Variants in ESRRG observed in about 807,000 individuals in gnomAD.
ESRRG encodes the protein estrogen related receptor gamma, also known as estrogen-related receptor gamma.
In ESRRG, 13 loss-of-function variants were observed where a neutral mutation model predicts 44.0. The observed-to-expected ratio is 0.30, with a 90% confidence interval of 0.19 to 0.47. ESRRG has a LOEUF of 0.47. Ranked by LOEUF, ESRRG falls within the 20% of genes least tolerant of loss-of-function variation. The pLI is 1.00. For missense variants in ESRRG, 395 were observed against 580.6 expected (o/e 0.68, Z 3.29); for synonymous variants, 215 against 214.6 (o/e 1.00, Z -0.02).
At position 216,933,007 on chromosome 1, in the gene ESRRG, A is replaced by T. The variant is rs79286029; in HGVS notation, c.-14+6575T>A. 6.5e-3 allele frequency among the ~76,000 whole-genome samples: 990 copies of T among 152,126 alleles called. 14 individuals are homozygous for T. Among genetic ancestry groups the T allele is most frequent in the African/African-American group, 0.022 (919 of 41,546 alleles). On this transcript the variant is annotated intron_variant, in intron 2 of 7. Coordinates refer to the ESRRG transcript ENST00000359162. Reference sequence around the variant, plus strand: ...AGAATTAAAACATTTCCTGCTTTCAAATCACAGCTCTTCTACTTGGCCAAA... The same window carrying T: ...AGAATTAAAACATTTCCTGCTTTCATATCACAGCTCTTCTACTTGGCCAAA...
chr1:216,504,047 C>T lies in ESRRG; in HGVS notation c.*2892G>A, dbSNP rs1005566033. On this transcript the variant is annotated 3_prime_UTR_variant, in exon 7 of 7. Coordinates refer to ENST00000408911, the MANE Select transcript of ESRRG (RefSeq NM_001438.4). ...ATTTCCTATTTGTGAGATACTTACTCTTTTGTAATGCTGAGAGTTACTTAA... is the reference window on the plus strand; with the variant it reads ...ATTTCCTATTTGTGAGATACTTACTTTTTTGTAATGCTGAGAGTTACTTAA... 6.6e-6 allele frequency: 1 copy of T among 152,438 alleles called. No individual in the cohort carries two copies. The highest frequency in any genetic ancestry group is 1.5e-5 in the Non-Finnish European group (1 of 67,966). The allele number at this position is 152,438 out of a possible 1,614,324, so 9.4% of individuals were successfully genotyped here. A position where few individuals can be genotyped will look rare whatever the true frequency, so the allele number is the denominator to read the frequency against.
chr1:216,581,199 G>C (rs538806575), intron 3 of ESRRG, among the ~76,000 whole-genome samples: 1 of 152,228 alleles, frequency 6.6e-6, no homozygotes, highest in Non-Finnish European at 1.5e-5. Context: ...AAATCAAAAG[G>C]CATTTGGCTA....
rs1193687564 is a variant in ESRRG at position 216,720,818 on chromosome 1, T to G, written c.56+2426A>C. On this transcript the variant is annotated intron_variant, in intron 1 of 6. Transcript: ENST00000408911. Reference sequence around the variant, plus strand: ...TAAATTTTCAATGTCTGGACTTCAGTGATCAGGCTGAAATTTACTAAACTG... The same window carrying G: ...TAAATTTTCAATGTCTGGACTTCAGGGATCAGGCTGAAATTTACTAAACTG... 2.6e-5 allele frequency among the ~76,000 whole-genome samples: 4 copies of G among 152,326 alleles called. No individual in the cohort carries two copies. In the East Asian group the frequency reaches 7.7e-4, roughly 29 times the overall value.
intron 2 of ESRRG, among the ~76,000 whole-genome samples, chr1:216,833,166 C>T (rs572123057): frequency 6.6e-6 from 1 of 152,016 alleles, no homozygotes; most frequent in East Asian, 1.9e-4. Flanking sequence ...AGTGTAAGTG[C>T]TCAAGAAATT....
In ESRRG at chr1:216,728,960, A is replaced by T. The variant is rs567679990; in HGVS notation, c.-13-51469T>A. On this transcript the variant is annotated intron_variant, in intron 2 of 7. Transcript: ENST00000359162. ...TTCCCCCAACCAAGGCAAATTAATTAGAGGTGTGTGTTTGTCAGACCTGGA... is the reference window on the plus strand; with the variant it reads ...TTCCCCCAACCAAGGCAAATTAATTTGAGGTGTGTGTTTGTCAGACCTGGA... Among the ~76,000 whole-genome samples the T allele has an allele frequency of 2.0e-5, 3 of 152,296 alleles. No individual in the cohort carries two copies. The South Asian group carries it at 6.2e-4, about 32-fold the overall frequency.
chr1:216,800,336 T>G (rs1414472308), intron 2 of ESRRG, among the ~76,000 whole-genome samples: 1 of 152,098 alleles, frequency 6.6e-6, no homozygotes, highest in Non-Finnish European at 1.5e-5. Context: ...GGTGTGCCAC[T>G]GTACACTGAA....
chr1:216,811,250 G>C (rs1360581806), intron 2 of ESRRG, among the ~76,000 whole-genome samples: 2 of 151,994 alleles, frequency 1.3e-5, no homozygotes, highest in East Asian at 3.9e-4. Flanking sequence ...ATCTCTTTAT[G>C]ATGATGAGAA....
At chr1:216,921,819 T>C (rs1180947102) in intron 2 of ESRRG, among the ~76,000 whole-genome samples, 1 of 152,232 alleles carries the variant, frequency 6.6e-6, no homozygotes, top group Non-Finnish European at 1.5e-5. Flanking sequence ...CTGCTGCATC[T>C]CTAAGGCAGA....
intron 2 of ESRRG, among the ~76,000 whole-genome samples, chr1:216,659,550 T>C (rs2071704297): frequency 6.6e-6 from 1 of 152,132 alleles, no homozygotes; most frequent in Non-Finnish European, 1.5e-5. Context: ...CCCAGCCTTA[T>C]CTCTTGCCAC....
chr1:216,759,491 C>T (rs1233170994), intron 2 of ESRRG, among the ~76,000 whole-genome samples: 1 of 152,050 alleles, frequency 6.6e-6, no homozygotes, highest in African/African-American at 2.4e-5. Flanking sequence ...GCCTGCTCTT[C>T]TGTTGAGTTC....
chr1:216,904,203 C>G (rs1467900789), intron 2 of ESRRG, among the ~76,000 whole-genome samples: 1 of 111,810 alleles, frequency 8.9e-6, no homozygotes, highest in Non-Finnish European at 2.1e-5. Context: ...CTGCAATCAT[C>G]ACCCCCCCCA....
At chr1:216,510,128 A>C (rs2042284278) in intron 6 of ESRRG, among the ~76,000 whole-genome samples, 1 of 152,200 alleles carries the variant, frequency 6.6e-6, no homozygotes, top group Non-Finnish European at 1.5e-5. Flanking sequence ...TATTAAAAAC[A>C]ATGGGCGAGC....
intron 1 of ESRRG, among the ~76,000 whole-genome samples, chr1:217,002,107 G>A (rs979210226): frequency 2.0e-5 from 3 of 151,880 alleles, no homozygotes; most frequent in African/African-American, 7.3e-5. Context: ...TTTGAGACCA[G>A]CCTGGTCAAC....
At chr1:216,685,249 A>T (rs919990128) in intron 1 of ESRRG, among the ~76,000 whole-genome samples, 14 of 88,246 alleles carry the variant, frequency 1.6e-4, no homozygotes, top group East Asian at 4.7e-4. Flanking sequence ...GAGATTTTAT[A>T]AAAAAAAAAA....
intron 6 of ESRRG, among the ~76,000 whole-genome samples, chr1:216,513,803 A>T (rs2148824033): frequency 6.6e-6 from 1 of 152,170 alleles, no homozygotes; most frequent in Admixed American, 6.5e-5. Context: ...GGGGGTTTTT[A>T]ACTCATTTTG....
intron 3 of ESRRG, among the ~76,000 whole-genome samples, chr1:216,635,197 G>C (rs993915409): frequency 2.6e-5 from 4 of 152,186 alleles, no homozygotes; most frequent in African/African-American, 9.7e-5. Flanking sequence ...TGGAAAGGTA[G>C]CAGGGGAAGG....
At chr1:216,934,040 AC>A (rs1157017665) in intron 2 of ESRRG, among the ~76,000 whole-genome samples, 32 of 152,166 alleles carry the variant, frequency 2.1e-4, no homozygotes, top group African/African-American at 7.7e-4. Flanking sequence ...TATTTTATTA[AC>A]CTTATTATTG....
intron 1 of ESRRG, among the ~76,000 whole-genome samples, chr1:217,131,025 A>G (rs955115787): frequency 6.6e-5 from 10 of 152,372 alleles, no homozygotes; most frequent in Admixed American, 5.9e-4. Context: ...ACAGGTGGAT[A>G]TGTTGAAAAC....
intron 1 of ESRRG, among the ~76,000 whole-genome samples, chr1:216,682,503 G>A (rs891639459): frequency 6.6e-6 from 1 of 152,080 alleles, no homozygotes; most frequent in African/African-American, 2.4e-5. Flanking sequence ...GAGATAAGAA[G>A]AGTCCTCAGC....
Sources: allele counts gnomAD v4.1 joint callset (sites outside exome capture counted in the v4.1 genomes callset), GRCh38; gene constraint gnomAD v4.1.1; transcripts MANE v1.5; gene names NCBI Gene and HGNC (gene_info 2026-07-23, HGNC 2026-07-21).